Variants in CLSTN2 observed in about 807,000 individuals in gnomAD.
CLSTN2 encodes calsyntenin 2.
Under a neutral mutation model 101.2 loss-of-function variants are expected in CLSTN2, and 48 were observed. The observed-to-expected ratio is 0.47, with a 90% CI of 0.38 to 0.60. CLSTN2 has a LOEUF of 0.60. CLSTN2 is among the 20% of genes least tolerant of loss of function. CLSTN2 has a pLI of 0.00. For missense variants in CLSTN2, 1,160 were observed against 1,238.2 expected (o/e 0.94, Z 0.95); for synonymous variants, 481 against 463.6 (o/e 1.04, Z -0.48).
chr3:140,129,888 C>T (rs922125109), intron 1 of CLSTN2, among the ~76,000 whole-genome samples: 4 of 152,160 alleles, frequency 2.6e-5, no homozygotes, highest in African/African-American at 9.7e-5. Flanking sequence ...TGTCGGAAGA[C>T]CACTCTCCAA....
intron 1 of CLSTN2, among the ~76,000 whole-genome samples, chr3:140,093,754 C>A (rs563248774): frequency 6.6e-6 from 1 of 152,232 alleles, no homozygotes; most frequent in East Asian, 1.9e-4. Context: ...GTGAACATGG[C>A]TATTTATAGG....
At chr3:140,052,524 A>G (rs2008016579) in intron 1 of CLSTN2, among the ~76,000 whole-genome samples, 1 of 152,162 alleles carries the variant, frequency 6.6e-6, no homozygotes, top group Non-Finnish European at 1.5e-5. Flanking sequence ...GTTTATTCTC[A>G]TAGGCCTCTG....
intron 5 of CLSTN2, among the ~76,000 whole-genome samples, chr3:140,438,431 T>TGGAAAAAA (rs367977595): frequency 2.2e-5 from 1 of 45,678 alleles, no homozygotes; most frequent in Non-Finnish European, 3.2e-5. Context: ...GTCCTTTCAT[T>TGGAAAAAA]AAAAAAAAAA....
At chr3:140,058,340 T>A (rs1340326604) in intron 1 of CLSTN2, among the ~76,000 whole-genome samples, 2 of 152,190 alleles carry the variant, frequency 1.3e-5, no homozygotes, top group African/African-American at 4.8e-5. Context: ...TGGGCTTTGA[T>A]AGGTCACCAG....
intron 1 of CLSTN2, among the ~76,000 whole-genome samples, chr3:140,145,611 T>C (rs1366241319): frequency 2.6e-5 from 4 of 152,254 alleles, no homozygotes; most frequent in African/African-American, 9.6e-5. Flanking sequence ...TGCTTTCTAC[T>C]AGCCAAGGCT....
intron 2 of CLSTN2, among the ~76,000 whole-genome samples, chr3:140,367,230 C>T (rs949261589): frequency 2.0e-5 from 3 of 151,688 alleles, no homozygotes; most frequent in African/African-American, 4.8e-5. Context: ...GCCAAAAGAC[C>T]GAGAAGCAAT....
chr3:140,184,662 A>G (rs1207099352), intron 2 of CLSTN2, among the ~76,000 whole-genome samples: 1 of 152,134 alleles, frequency 6.6e-6, no homozygotes, highest in African/African-American at 2.4e-5. Flanking sequence ...GTGGACTACT[A>G]AAGGGCGTGG....
At chr3:140,316,772 G>A (rs1050367400) in intron 2 of CLSTN2, among the ~76,000 whole-genome samples, 1 of 152,126 alleles carries the variant, frequency 6.6e-6, no homozygotes, top group Non-Finnish European at 1.5e-5. Context: ...GGAGGCAAGT[G>A]ATATTCTAAT....
At chr3:140,079,563 A>G (rs1041948225) in intron 1 of CLSTN2, among the ~76,000 whole-genome samples, 8 of 152,134 alleles carry the variant, frequency 5.3e-5, no homozygotes, top group African/African-American at 1.7e-4. Flanking sequence ...CATCCTGGCT[A>G]ACACAGTGAA....
At chr3:140,102,373 A>G (rs1256838888) in intron 1 of CLSTN2, among the ~76,000 whole-genome samples, 1 of 152,236 alleles carries the variant, frequency 6.6e-6, no homozygotes. Flanking sequence ...TGTTGTGCTC[A>G]GACATTATTT....
At chr3:140,149,755 C>T (rs2107813376) in intron 1 of CLSTN2, among the ~76,000 whole-genome samples, 1 of 152,272 alleles carries the variant, frequency 6.6e-6, no homozygotes, top group African/African-American at 2.4e-5. Context: ...CCGCGCCTGG[C>T]CAATAAATAG....
intron 1 of CLSTN2, among the ~76,000 whole-genome samples, chr3:140,138,331 C>G (rs182563240): frequency 6.6e-6 from 1 of 152,314 alleles, no homozygotes; most frequent in African/African-American, 2.4e-5. Flanking sequence ...GTCCATGGAT[C>G]TTTTTCTGTG....
At chr3:140,396,354 G>T (rs1276637654) in intron 2 of CLSTN2, among the ~76,000 whole-genome samples, 1 of 151,804 alleles carries the variant, frequency 6.6e-6, no homozygotes, top group Non-Finnish European at 1.5e-5. Flanking sequence ...TGTCACACAT[G>T]TGACATTCAA....
chr3:139,978,142 G>A (rs961254631), intron 1 of CLSTN2, among the ~76,000 whole-genome samples: 11 of 152,132 alleles, frequency 7.2e-5, no homozygotes, highest in African/African-American at 2.7e-4. Flanking sequence ...GCAGAAAAAA[G>A]CAAGGGATCC....
intron 2 of CLSTN2, among the ~76,000 whole-genome samples, chr3:140,186,695 C>T (rs2010489402): frequency 6.6e-6 from 1 of 152,068 alleles, no homozygotes; most frequent in Non-Finnish European, 1.5e-5. Flanking sequence ...GCCTATTAAG[C>T]CAAGTTCAAT....
At chr3:140,367,008 T>C (rs763689016) in intron 2 of CLSTN2, among the ~76,000 whole-genome samples, 1 of 152,072 alleles carries the variant, frequency 6.6e-6, no homozygotes, top group Non-Finnish European at 1.5e-5. Context: ...GGTATGGTGG[T>C]TAGTGTGGGC....
intron 2 of CLSTN2, among the ~76,000 whole-genome samples, chr3:140,202,039 T>C (rs2010724290): frequency 6.6e-6 from 1 of 152,136 alleles, no homozygotes; most frequent in African/African-American, 2.4e-5. Flanking sequence ...ATTGCAAAGG[T>C]CTGGCTATTT....
intron 8 of CLSTN2, among the ~76,000 whole-genome samples, chr3:140,523,935 C>T (rs1935086161): frequency 6.6e-6 from 1 of 152,216 alleles, no homozygotes; most frequent in Admixed American, 6.5e-5. Flanking sequence ...TTCTGTCTTG[C>T]AATAGCCTGT....
chr3:140,083,747 G>C (rs913188931), intron 1 of CLSTN2, among the ~76,000 whole-genome samples: 2 of 152,194 alleles, frequency 1.3e-5, no homozygotes, highest in African/African-American at 4.8e-5. Context: ...AGTCTTCCCT[G>C]AGCACAGCAA....
Sources: allele counts gnomAD v4.1 joint callset (sites outside exome capture counted in the v4.1 genomes callset), GRCh38; gene constraint gnomAD v4.1.1; transcripts MANE v1.5; gene names NCBI Gene and HGNC (gene_info 2026-07-23, HGNC 2026-07-21).